Variants in MALRD1 observed in about 807,000 individuals in gnomAD.
MALRD1 encodes the protein MAM and LDL-receptor class A domain-containing protein 1.
MALRD1 carries 247 observed loss-of-function variants against 242.1 expected under a neutral mutation model. The ratio of observed to expected loss-of-function variants is 1.02; its 90% CI spans 0.92 to 1.13. The LOEUF is 1.13. Among genes scored for constraint, MALRD1 ranks in the 50% most tolerant of loss-of-function variants. MALRD1 has a pLI of 0.00. For missense variants in MALRD1, 2,989 were observed against 2,533.1 expected (o/e 1.18, Z -3.86); for synonymous variants, 995 against 866.6 (o/e 1.15, Z -2.60).
At chr10:19,481,019 G>A (rs188004996) in intron 29 of MALRD1, among the ~76,000 whole-genome samples, 2 of 152,158 alleles carry the variant, frequency 1.3e-5, no homozygotes, top group Non-Finnish European at 2.9e-5. Flanking sequence ...AGAAAAGAGA[G>A]CTTGGTATAT....
At chr10:19,340,159 TC>T (rs1431346746) in intron 24 of MALRD1, among the ~76,000 whole-genome samples, 1 of 152,132 alleles carries the variant, frequency 6.6e-6, no homozygotes, top group Admixed American at 6.6e-5. Context: ...ATAGTAGATG[TC>T]TATGTTTACG....
chr10:19,232,416 C>A (rs1564486197), intron 18 of MALRD1, among the ~76,000 whole-genome samples: 1 of 151,468 alleles, frequency 6.6e-6, no homozygotes, highest in East Asian at 2.0e-4. Context: ...GACTTCAAGT[C>A]ATCCGCCCGC....
At position 19,625,837 on chromosome 10, in the gene MALRD1, C is replaced by T. The variant is rs564788284; in HGVS notation, c.6137+9914C>T. Among the ~76,000 whole-genome samples, 9 of 152,172 alleles carry T rather than the reference C, an allele frequency of 5.9e-5. No individual in the cohort carries two copies. The South Asian group carries it at 1.2e-3, about 21-fold the overall frequency. ...TATTTAACATCAGCTAAATCATCTC[C>T]GTAGCAACCAACAATCATTCTTTAC... On this transcript the variant is annotated intron_variant, in intron 36 of 39. Transcript: ENST00000454679.
chr10:19,459,080 A>G (rs564594429), intron 29 of MALRD1, among the ~76,000 whole-genome samples: 6 of 152,102 alleles, frequency 3.9e-5, no homozygotes, highest in African/African-American at 7.2e-5. Flanking sequence ...AAGCAAATAC[A>G]TTTGCTGTAT....
chr10:19,290,722 T>C (rs1361940451), intron 21 of MALRD1, among the ~76,000 whole-genome samples: 1 of 152,192 alleles, frequency 6.6e-6, no homozygotes, highest in Non-Finnish European at 1.5e-5. Context: ...TTGTGAGTTC[T>C]CTTCAGCTGA....
intron 32 of MALRD1, among the ~76,000 whole-genome samples, chr10:19,541,991 A>G (rs1251454029): frequency 1.3e-5 from 2 of 152,234 alleles, no homozygotes; most frequent in African/African-American, 4.8e-5. Flanking sequence ...CTCAAGAGAA[A>G]GAGCTAATCT....
At chr10:19,689,173 A>C (rs985450303) in intron 36 of MALRD1, among the ~76,000 whole-genome samples, 2 of 152,200 alleles carry the variant, frequency 1.3e-5, no homozygotes, top group Non-Finnish European at 2.9e-5. Context: ...CTAGGTGCAG[A>C]GGGAAGAATA....
chr10:19,597,367 A>G (rs1475291249), intron 34 of MALRD1, among the ~76,000 whole-genome samples: 1 of 152,208 alleles, frequency 6.6e-6, no homozygotes, highest in Admixed American at 6.5e-5. Flanking sequence ...AATGCTAAGC[A>G]TTCATTGGAA....
At chr10:19,383,180 C>G (rs1196476817) in intron 26 of MALRD1, among the ~76,000 whole-genome samples, 1 of 152,068 alleles carries the variant, frequency 6.6e-6, no homozygotes, top group Non-Finnish European at 1.5e-5. Flanking sequence ...TGATAGGTAG[C>G]TTTTTGATCT....
Position 19,194,749 on chromosome 10 carries a change from G to A in MALRD1, c.1952-8979G>A, listed in dbSNP as rs570595866. ...GTTTTCCTTGATAAAGTCTTAGAAAGATGTTGTCAAAAGTTATTCTCTCCT... is the reference window on the plus strand; with the variant it reads ...GTTTTCCTTGATAAAGTCTTAGAAAAATGTTGTCAAAAGTTATTCTCTCCT... On this transcript the variant is annotated intron_variant, in intron 14 of 39. Transcript: ENST00000454679. Among the ~76,000 whole-genome samples, 231 of 152,200 alleles carry A rather than the reference G, an allele frequency of 1.5e-3. 2 individuals are homozygous for A. The highest frequency in any genetic ancestry group is 5.4e-3 in the African/African-American group (225 of 41,530).
chr10:19,283,385 C>T (rs1340134902), intron 21 of MALRD1, among the ~76,000 whole-genome samples: 2 of 151,964 alleles, frequency 1.3e-5, no homozygotes, highest in Non-Finnish European at 2.9e-5. Flanking sequence ...TCATAGAAAC[C>T]GGAGAAGAAC....
At chr10:19,466,064 A>G (rs1836203996) in intron 29 of MALRD1, among the ~76,000 whole-genome samples, 1 of 152,222 alleles carries the variant, frequency 6.6e-6, no homozygotes, top group African/African-American at 2.4e-5. Flanking sequence ...TCTATGATTA[A>G]TAATGGGGTT....
intron 19 of MALRD1, among the ~76,000 whole-genome samples, chr10:19,268,600 G>A (rs1306224981): frequency 6.6e-6 from 1 of 152,068 alleles, no homozygotes; most frequent in Non-Finnish European, 1.5e-5. Context: ...TACGTTGTTA[G>A]CTACAGGTAG....
At chr10:19,234,691 A>C (rs557420366) in intron 18 of MALRD1, among the ~76,000 whole-genome samples, 14 of 152,296 alleles carry the variant, frequency 9.2e-5, no homozygotes, top group African/African-American at 3.4e-4. Context: ...TTCCTTGAAA[A>C]TAGATCCTAC....
At chr10:19,506,377 C>T (rs931175603) in intron 31 of MALRD1, among the ~76,000 whole-genome samples, 1 of 152,126 alleles carries the variant, frequency 6.6e-6, no homozygotes, top group Non-Finnish European at 1.5e-5. Flanking sequence ...TCTCATTGCT[C>T]TTTAGAGAAC....
chr10:19,628,985 A>G (rs972586134), intron 36 of MALRD1, among the ~76,000 whole-genome samples: 1 of 152,110 alleles, frequency 6.6e-6, no homozygotes, highest in East Asian at 1.9e-4. Context: ...AAGGTGAAGC[A>G]ACAAACTGCT....
At chr10:19,415,399 C>G (rs1029861235) in intron 28 of MALRD1, among the ~76,000 whole-genome samples, 3 of 152,082 alleles carry the variant, frequency 2.0e-5, no homozygotes, top group Admixed American at 6.6e-5. Context: ...AAAATCAATA[C>G]TTTAAAGACA....
At chr10:19,730,570 T>C (rs1268543830) in intron 38 of MALRD1, 136 bp from the exon 39 acceptor site, 3 of 904,060 alleles carry the variant, frequency 3.3e-6, no homozygotes, top group East Asian at 2.6e-5. Flanking sequence ...ACTTTACTTA[T>C]GGTAATACAT....
intron 26 of MALRD1, among the ~76,000 whole-genome samples, chr10:19,369,761 A>G (rs1845291877): frequency 6.6e-6 from 1 of 151,524 alleles, no homozygotes; most frequent in Non-Finnish European, 1.5e-5. Context: ...TAAAGTATCT[A>G]TTTGTCTGAT....
Sources: allele counts gnomAD v4.1 joint callset (sites outside exome capture counted in the v4.1 genomes callset), GRCh38; gene constraint gnomAD v4.1.1; transcripts MANE v1.5; gene names NCBI Gene and HGNC (gene_info 2026-07-23, HGNC 2026-07-21).